The following FOCAD variants were observed in gnomAD, a reference collection of about 807,000 sequenced individuals.
FOCAD encodes the protein KIAA1797.
Under a neutral mutation model 225.6 loss-of-function variants are expected in FOCAD, and 198 were observed. That is an observed-to-expected ratio of 0.88 (90% CI 0.78 to 0.99). The LOEUF (loss-of-function observed/expected upper bound fraction) is 0.99. Ranked by LOEUF, FOCAD falls within the 50% of genes least tolerant of loss-of-function variation. The pLI, the probability that FOCAD is intolerant of heterozygous loss-of-function variation, is 0.00. For missense variants in FOCAD, 2,713 were observed against 2,123.6 expected (o/e 1.28, Z -5.46); for synonymous variants, 897 against 755.0 (o/e 1.19, Z -3.08).
At chr9:20,689,728 G>A (rs1343263644) in intron 1 of FOCAD, among the ~76,000 whole-genome samples, 2 of 152,186 alleles carry the variant, frequency 1.3e-5, no homozygotes, top group African/African-American at 4.8e-5. Flanking sequence ...GGGTATAAGG[G>A]TGACAGCGCT....
chr9:20,968,617 T>C (rs1036913959), intron 35 of FOCAD, among the ~76,000 whole-genome samples: 7 of 151,986 alleles, frequency 4.6e-5, no homozygotes, highest in African/African-American at 1.7e-4. Context: ...AATTTTTGTA[T>C]TTTTAGTAGA....
intron 21 of FOCAD, among the ~76,000 whole-genome samples, chr9:20,898,414 T>C (rs1195363781): frequency 6.6e-6 from 1 of 151,922 alleles, no homozygotes; most frequent in Admixed American, 6.6e-5. Context: ...TTCTGTTTTC[T>C]TTGCTTTATT....
chr9:20,696,730 A>G (rs1002781095), intron 1 of FOCAD, among the ~76,000 whole-genome samples: 1 of 152,302 alleles, frequency 6.6e-6, no homozygotes, highest in South Asian at 2.1e-4. Flanking sequence ...GCTTGTGCCC[A>G]GGAGATGTAG....
At chr9:20,902,525 C>G (rs1017960402) in intron 21 of FOCAD, among the ~76,000 whole-genome samples, 2 of 151,758 alleles carry the variant, frequency 1.3e-5, no homozygotes, top group African/African-American at 2.4e-5. Flanking sequence ...AGAGTTTGGG[C>G]TTTATTCTTT....
At chr9:20,772,409 G>T (rs1283754897) in intron 8 of FOCAD, among the ~76,000 whole-genome samples, 3 of 152,160 alleles carry the variant, frequency 2.0e-5, no homozygotes, top group Non-Finnish European at 4.4e-5. Flanking sequence ...GCTTGTGGTG[G>T]AACTCTGGGG....
intron 1 of FOCAD, among the ~76,000 whole-genome samples, chr9:20,692,705 C>T (rs77847803): frequency 0.015 from 2,265 of 152,188 alleles, 48 homozygotes; most frequent in South Asian, 0.051. Context: ...TGTTTCTTTA[C>T]GTAGTGGTGT....
rs574845744 is a variant in FOCAD at position 20,843,043 on chromosome 9, C to G, written c.1921-19535C>G. Among the ~76,000 whole-genome samples, 4 of 151,854 alleles carry G rather than the reference C, an allele frequency of 2.6e-5. No homozygotes were observed. In the South Asian group the frequency reaches 6.2e-4, roughly 24 times the overall value. On this transcript the variant is annotated intron_variant, in intron 15 of 43. Transcript: ENST00000338382. ...TATGCTTTTTATCTTTTTGTTGTTT[C>G]TATTTATATCTTATATACTATGTGT... is the stretch of plus-strand genomic sequence containing the variant.
In FOCAD at chr9:20,691,795, A is replaced by T. The variant is rs1277598184; in HGVS notation, c.-33+7502A>T. Among the ~76,000 whole-genome samples the T allele has an allele frequency of 2.6e-5, 4 of 151,098 alleles. No homozygotes were observed. In the East Asian group the frequency reaches 7.8e-4, roughly 29 times the overall value. The stretch of plus-strand genomic sequence containing the variant: ...AAGCCCGGCCAATTTATTTTTTGAG[A>T]TGGAGTCTCCCTCTGTCACCCAGGC... On this transcript the variant is annotated intron_variant, in intron 1 of 43. Transcript: ENST00000338382.
intron 1 of FOCAD, among the ~76,000 whole-genome samples, chr9:20,702,206 G>C (rs574840530): frequency 1.3e-5 from 2 of 152,082 alleles, no homozygotes; most frequent in South Asian, 4.2e-4. Context: ...GTGCTCAAAT[G>C]GTCCTCCCAC....
At chr9:20,941,773 T>C (rs1355176798) in intron 28 of FOCAD, among the ~76,000 whole-genome samples, 1 of 152,236 alleles carries the variant, frequency 6.6e-6, no homozygotes, top group Non-Finnish European at 1.5e-5. Flanking sequence ...TTTGTTTTTA[T>C]TTCCTCTGTT....
chr9:20,971,592 A>G (rs898679191), intron 35 of FOCAD, among the ~76,000 whole-genome samples: 1 of 152,060 alleles, frequency 6.6e-6, no homozygotes, highest in Non-Finnish European at 1.5e-5. Context: ...GGCATGCACC[A>G]CCATGCCCAG....
intron 5 of FOCAD, among the ~76,000 whole-genome samples, chr9:20,751,120 T>C (rs573266267): frequency 3.3e-5 from 5 of 151,848 alleles, no homozygotes; most frequent in African/African-American, 9.7e-5. Flanking sequence ...TTCAGTTCTT[T>C]TCCCTCACAA....
chr9:20,676,148 G>A (rs987077608), intron 2 of FOCAD, among the ~76,000 whole-genome samples: 3 of 152,184 alleles, frequency 2.0e-5, no homozygotes, highest in Non-Finnish European at 4.4e-5. Flanking sequence ...TACTTACTAT[G>A]CTGTTCATCA....
intron 5 of FOCAD, among the ~76,000 whole-genome samples, chr9:20,740,672 T>C (rs7030093): frequency 0.34 from 52,077 of 151,948 alleles, 9,384 homozygotes; most frequent in Non-Finnish European, 0.39. Flanking sequence ...ACAAAGATAT[T>C]TAAAGCAGGG....
At chr9:20,703,153 G>C (rs1005995594) in intron 1 of FOCAD, among the ~76,000 whole-genome samples, 2 of 151,454 alleles carry the variant, frequency 1.3e-5, no homozygotes, top group African/African-American at 4.9e-5. Context: ...GGTCACTGCA[G>C]TGGCAAGTAG....
chr9:20,720,538 C>CT lies in FOCAD; in HGVS notation c.287+9dup, dbSNP rs1825692463. 6.2e-7 allele frequency: 1 copy of CT among 1,613,340 alleles called. No homozygotes were observed. Reference sequence around the variant, plus strand: ...TCAACTTGATTCCATCAACCAGGTACTTTTTCCTCAGTGTTTGGTCAGTTA... The same window carrying CT: ...TCAACTTGATTCCATCAACCAGGTACTTTTTTCCTCAGTGTTTGGTCAGTTA... On this transcript the variant is annotated splice_donor_region_variant and intron_variant, in intron 4 of 43. Coordinates refer to ENST00000338382, the MANE Select transcript of FOCAD (RefSeq NM_001375567.1).
chr9:20,977,798 T>A (rs1402922916), intron 36 of FOCAD, among the ~76,000 whole-genome samples: 1 of 152,224 alleles, frequency 6.6e-6, no homozygotes, highest in Non-Finnish European at 1.5e-5. Flanking sequence ...AGATTTCATT[T>A]GAAAAATGTG....
chr9:20,663,139 C>A (rs1284494158), intron 2 of FOCAD, among the ~76,000 whole-genome samples: 1 of 152,098 alleles, frequency 6.6e-6, no homozygotes, highest in Non-Finnish European at 1.5e-5. Flanking sequence ...GTAATCCCAG[C>A]TCTTTGAGAG....
intron 21 of FOCAD, among the ~76,000 whole-genome samples, chr9:20,892,348 C>G (rs1028314608): frequency 2.6e-5 from 4 of 152,048 alleles, no homozygotes; most frequent in African/African-American, 9.7e-5. Context: ...TCTGTTGGAT[C>G]TGGGAGAAAT....
Sources: allele counts gnomAD v4.1 joint callset (sites outside exome capture counted in the v4.1 genomes callset), GRCh38; gene constraint gnomAD v4.1.1; transcripts MANE v1.5; gene names NCBI Gene and HGNC (gene_info 2026-07-23, HGNC 2026-07-21).